SETDB1: variants seen among roughly 807,000 people sequenced by gnomAD.
SETDB1 encodes SET domain bifurcated histone lysine methyltransferase 1.
SETDB1 carries 31 observed loss-of-function variants against 137.4 expected under a neutral mutation model. The observed-to-expected ratio is 0.23, with a 90% CI of 0.17 to 0.30. SETDB1 has a LOEUF of 0.30. Among genes scored for constraint, SETDB1 ranks in the 10% least tolerant of loss-of-function variants. The pLI, the probability that SETDB1 is intolerant of heterozygous loss-of-function variation, is 1.00. For missense variants in SETDB1, 1,113 were observed against 1,631.5 expected, an observed-to-expected ratio of 0.68 and a Z score of 5.47; for synonymous variants, 548 against 579.9, an observed-to-expected ratio of 0.95 and a Z score of 0.79.
At chr1:150,931,361 G>A (rs1251026474) in intron 3 of SETDB1, among the ~76,000 whole-genome samples, 6 of 150,666 alleles carry the variant, frequency 4.0e-5, no homozygotes, top group Admixed American at 2.0e-4. Context: ...CAAGGAGGGC[G>A]GATCATGAGG....
chr1:150,951,232 T>C, intron 13 of SETDB1, 133 bp from the exon 14 acceptor site: 1 of 1,150,638 alleles, frequency 8.7e-7, no homozygotes, highest in Non-Finnish European at 1.3e-6. Context: ...CTATAAGGCC[T>C]CCATGAAAGC....
chr1:150,950,635 C>T lies in SETDB1; in HGVS notation c.1761C>T (p.Val587=), dbSNP rs1241275842. 3 of 1,614,178 alleles carry T rather than the reference C, an allele frequency of 1.9e-6. No homozygotes were observed. Among genetic ancestry groups the T allele is most frequent in the African/African-American group, 1.3e-5 (1 of 75,054 alleles). Residue 587 remains valine (V), a synonymous_variant, in exon 13 of 22, where the codon GTC becomes GTT. Transcript: ENST00000692827. ...HVCSYTCLSR[V]RPMRNEQYRG... ...GCAGCTATACCTGTCTGTCTCGAGTCAGACCTATGAGGAATGAGCAGTACC... is the reference window on the plus strand; with the variant it reads ...GCAGCTATACCTGTCTGTCTCGAGTTAGACCTATGAGGAATGAGCAGTACC...
At chr1:150,951,114 G>T (rs372705525) in intron 13 of SETDB1, 24 bp downstream of exon 13, 3 of 1,588,754 alleles carry the variant, frequency 1.9e-6, no homozygotes, top group Non-Finnish European at 2.6e-6. Flanking sequence ...GGGAATTGCT[G>T]CCCCTGCTTC....
Position 150,961,038 on chromosome 1 carries a change from AG to A in SETDB1, c.2981del (p.Gly994ValfsTer37). 6.9e-7 allele frequency: 1 copy of A among 1,448,098 alleles called. No homozygotes were observed. Among genetic ancestry groups the A allele is most frequent in the Non-Finnish European group, 9.3e-7 (1 of 1,074,416 alleles). 89.7% of individuals were successfully genotyped at this position (1,448,098 alleles called of 1,614,324 possible). On this transcript the variant is annotated frameshift_variant, in exon 16 of 22. Coordinates refer to ENST00000692827, the MANE Select transcript of SETDB1 (RefSeq NM_001366418.1). LOFTEE classifies it high-confidence loss of function. ...GGTTGAGCTGCAATAGTGTCAGTGA[AG>A]GTGGTTTTGCTGACTCTGATAGCCA... ...SWLSCNSVSE[G>X]GFADSDSHSS...
intron 13 of SETDB1, 130 bp from the exon 14 acceptor site, chr1:150,951,235 A>G (rs1255523252): frequency 8.9e-7 from 1 of 1,126,716 alleles, no homozygotes. Context: ...TAAGGCCTCC[A>G]TGAAAGCTAT....
chr1:150,959,535 T>C (rs1670755071), intron 15 of SETDB1, among the ~76,000 whole-genome samples, 188 bp downstream of exon 15: 1 of 152,054 alleles, frequency 6.6e-6, no homozygotes, highest in South Asian at 2.1e-4. Flanking sequence ...ACACAAGTGT[T>C]TCACAAATAA....
intron 3 of SETDB1, among the ~76,000 whole-genome samples, chr1:150,934,748 T>G (rs954243320): frequency 6.6e-6 from 1 of 152,142 alleles, no homozygotes; most frequent in Non-Finnish European, 1.5e-5. Context: ...AGCCAGACGG[T>G]TTCCTTTAAT....
In SETDB1 at chr1:150,943,680, A is replaced by G. The variant is rs145956027; in HGVS notation, c.876-240A>G. ...GACAGAAGGAGACTCCGTCTCAAAAATATTTATATGTATATGTGTTTTTTT... is the reference window on the plus strand; with the variant it reads ...GACAGAAGGAGACTCCGTCTCAAAAGTATTTATATGTATATGTGTTTTTTT... On this transcript the variant is annotated intron_variant, in intron 7 of 21. Coordinates refer to ENST00000692827, the MANE Select transcript of SETDB1 (RefSeq NM_001366418.1). 6.6e-3 allele frequency among the ~76,000 whole-genome samples: 999 copies of G among 152,330 alleles called. 10 individuals carry two copies. Among genetic ancestry groups the G allele is most frequent in the African/African-American group, 0.023 (942 of 41,570 alleles).
At position 150,964,006 on chromosome 1, in the gene SETDB1, C is replaced by T. The variant is rs113950609; in HGVS notation, c.3684C>T (p.Ser1228=). Residue 1228 remains serine (S), a synonymous_variant, in exon 21 of 22, where the codon AGC becomes AGT. Coordinates refer to ENST00000692827, the MANE Select transcript of SETDB1 (RefSeq NM_001366418.1). ...NLGRYLNHSC[S]PNLFVQNVFV... ...CCTTAAACCTACAGCACAGTTGCAG[C>T]CCCAACCTGTTTGTCCAGAATGTCT... 33 of 1,614,080 alleles carry T rather than the reference C, an allele frequency of 2.0e-5. 1 individual carries two copies. The highest frequency in any genetic ancestry group is 1.3e-4 in the African/African-American group (10 of 75,042).
chr1:150,960,707 G>T lies in SETDB1; in HGVS notation c.2648G>T (p.Gly883Val). The part of the protein sequence containing the change: ...SDAPCSSDSS[G>V]VDLKDQEDGN... Reference sequence around the variant, plus strand: ...GCCCCCTGTTCCTCTGACAGCAGTGGTGTAGACTTGAAGGACCAGGAAGAT... The same window carrying T: ...GCCCCCTGTTCCTCTGACAGCAGTGTTGTAGACTTGAAGGACCAGGAAGAT... Residue 883 changes from glycine (G) to valine (V), a missense_variant, in exon 16 of 22, where the codon GGT becomes GTT. Coordinates refer to ENST00000692827, the MANE Select transcript of SETDB1 (RefSeq NM_001366418.1). The T allele has an allele frequency of 6.2e-7, 1 of 1,611,788 alleles. No individual in the cohort carries two copies. The highest frequency in any genetic ancestry group is 8.5e-7 in the Non-Finnish European group (1 of 1,178,956).
intron 10 of SETDB1, among the ~76,000 whole-genome samples, chr1:150,947,434 C>T (rs75207617): frequency 0.073 from 11,106 of 151,900 alleles, 555 homozygotes; most frequent in East Asian, 0.18. Context: ...GCTAGGATTA[C>T]AAGTATGAGC....
At chr1:150,926,875 G>A (rs2102619223) in intron 1 of SETDB1, 1 of 532,100 alleles carries the variant, frequency 1.9e-6, no homozygotes, top group East Asian at 5.4e-5. Flanking sequence ...TTTGCTGCAA[G>A]CTTTCGTGTG....
Position 150,944,993 on chromosome 1 carries a change from A to C in SETDB1, c.1025A>C (p.Asn342Thr). ...FIEEYVTAYP[N>T]RPMVLLKSGQ... ...GAGGAGTATGTCACTGCCTACCCCAACCGCCCCATGGTACTGCTCAAGAGT... is the reference window on the plus strand; with the variant it reads ...GAGGAGTATGTCACTGCCTACCCCACCCGCCCCATGGTACTGCTCAAGAGT... The change falls in exon 9 of 22, where the codon AAC becomes ACC. Residue 342 changes from asparagine (N) to threonine (T), a missense_variant. Asn to Thr is a moderately conservative substitution (Grantham distance 65, BLOSUM62 0). Transcript: ENST00000692827. 6.2e-7 allele frequency: 1 copy of C among 1,614,014 alleles called. No individual in the cohort carries two copies. Among genetic ancestry groups the C allele is most frequent in the Non-Finnish European group, 8.5e-7 (1 of 1,180,014 alleles).
Position 150,946,866 on chromosome 1 carries a change from C to A in SETDB1, c.1141-20C>A. ...AGCCTTTAAGCTATTTCCCTTCATT[C>A]TTTTCTCTCAATTCCCCAGGATGAC... On this transcript the variant is annotated intron_variant, in intron 9 of 21. Transcript: ENST00000692827. The A allele has an allele frequency of 6.2e-7, 1 of 1,613,768 alleles. No individual in the cohort carries two copies. Among genetic ancestry groups the A allele is most frequent in the Non-Finnish European group, 8.5e-7 (1 of 1,179,760 alleles).
chr1:150,927,827 A>T lies in SETDB1; in HGVS notation c.113A>T (p.Glu38Val). The T allele has an allele frequency of 6.2e-7, 1 of 1,614,164 alleles. No homozygotes were observed. Among genetic ancestry groups the T allele is most frequent in the Non-Finnish European group, 8.5e-7 (1 of 1,180,042 alleles). The stretch of plus-strand genomic sequence containing the variant: ...GTTGAGGAACTGGGTATCTCTATGG[A>T]GGAACTTCGGCATTTCATCGATGAG... The part of the protein sequence containing the change: ...AVVEELGISM[E>V]ELRHFIDEEL... The change falls in exon 2 of 22, where the codon GAG (glutamate) becomes GTG (valine). Residue 38 changes from glutamate (E) to valine (V), a missense_variant. Around this residue, in one of 11 missense-constraint regions of SETDB1, gnomAD observed 159 missense variants for 188.6 expected, o/e 0.84. Coordinates refer to ENST00000692827, the MANE Select transcript of SETDB1 (RefSeq NM_001366418.1).
intron 14 of SETDB1, among the ~76,000 whole-genome samples, chr1:150,954,690 A>G (rs921997240): frequency 6.6e-6 from 1 of 152,368 alleles, no homozygotes; most frequent in Non-Finnish European, 1.5e-5. Flanking sequence ...TAGAAGCTAG[A>G]TAGCAATTGG....
intron 2 of SETDB1, among the ~76,000 whole-genome samples, chr1:150,928,751 C>A (rs941075908): frequency 6.6e-6 from 1 of 152,108 alleles, no homozygotes; most frequent in Non-Finnish European, 1.5e-5. Flanking sequence ...CCCTTCCCCC[C>A]ACCCCACGAC....
In SETDB1 at chr1:150,943,950, T is replaced by A. The variant is rs1313318704; in HGVS notation, c.906T>A (p.Ala302=). The change falls in exon 8 of 22, where the codon GCT becomes GCA. Residue 302 remains alanine, a synonymous_variant. Transcript: ENST00000692827. ...RFLIFFDDGY[A]SYVTQSELYP... is the part of the protein sequence containing the mutation. ...TCATTTTCTTTGATGATGGCTATGC[T>A]TCCTATGTCACACAGTCGGAACTGT... 6 of 1,613,536 alleles carry A rather than the reference T, an allele frequency of 3.7e-6. No individual in the cohort carries two copies. The highest frequency in any genetic ancestry group is 5.1e-6 in the Non-Finnish European group (6 of 1,179,432).
chr1:150,938,006 G>A (rs1669997997), intron 3 of SETDB1, among the ~76,000 whole-genome samples: 2 of 152,042 alleles, frequency 1.3e-5, no homozygotes, highest in Admixed American at 1.3e-4. Context: ...GAGGTGGGTG[G>A]ATCACGAAGT....
Sources: gnomAD v4.1 joint callset for allele counts (sites outside exome capture counted in the v4.1 genomes callset) on GRCh38, gnomAD v4.1.1 for gene constraint, gnomAD v4.1.1 regional missense constraint, MANE v1.5 for transcripts, NCBI Gene and HGNC (gene_info 2026-07-23, HGNC 2026-07-21) for gene names.